CYS1: variants seen among roughly 807,000 people sequenced by gnomAD.
CYS1 encodes the protein cystin 1.
CYS1 carries 5 observed loss-of-function variants against 9.6 expected under a neutral mutation model. The ratio of observed to expected loss-of-function variants is 0.52; its 90% CI spans 0.27 to 1.10. The LOEUF is 1.10. Among genes scored for constraint, CYS1 ranks in the 50% least tolerant of loss-of-function variants. The probability of loss-of-function intolerance (pLI) is 0.11; values close to 1 mark genes in which losing one functional copy is unlikely to be tolerated. For missense variants in CYS1, 221 were observed against 207.9 expected (o/e 1.06, Z -0.39); for synonymous variants, 88 against 95.7 (o/e 0.92, Z 0.47).
chr2:10,072,061 C>G (rs1007286942), intron 1 of CYS1, among the ~76,000 whole-genome samples: 1 of 151,202 alleles, frequency 6.6e-6, no homozygotes, highest in Admixed American at 6.6e-5. Context: ...CTAAAGTTTT[C>G]GTGAAAATTA....
intron 2 of CYS1, among the ~76,000 whole-genome samples, 171 bp from the exon 3 acceptor site, chr2:10,059,129 T>A (rs572624641): frequency 5.9e-5 from 9 of 152,330 alleles, no homozygotes; most frequent in African/African-American, 2.2e-4. Context: ...ACCAGCAGGC[T>A]TCTACTGCGT....
intron 1 of CYS1, among the ~76,000 whole-genome samples, chr2:10,070,852 C>T (rs936973955): frequency 6.6e-6 from 1 of 152,170 alleles, no homozygotes; most frequent in Non-Finnish European, 1.5e-5. Flanking sequence ...CTATGTTGCC[C>T]AGGCTGGTCT....
Position 10,080,394 on chromosome 2 carries a change from G to T in CYS1, c.-171C>A. 4.5e-6 allele frequency: 1 copy of T among 224,042 alleles called. No individual in the cohort carries two copies. Among genetic ancestry groups the T allele is most frequent in the Non-Finnish European group, 7.6e-6 (1 of 131,688 alleles). The allele number at this position is 224,042 out of a possible 1,614,324, so 13.9% of individuals were successfully genotyped here. On this transcript the variant is annotated 5_prime_UTR_variant, in exon 1 of 3. Transcript: ENST00000381813. The surrounding 1 kb of genome is among the most constrained non-coding windows in gnomAD (Gnocchi z 6.4). ...GGTTCCCGGGCGGGGGTCGCGGCCGGAGGACGGGGGTGCGAGCCGGAGCCT... is the reference window on the plus strand; with the variant it reads ...GGTTCCCGGGCGGGGGTCGCGGCCGTAGGACGGGGGTGCGAGCCGGAGCCT...
intron 1 of CYS1, among the ~76,000 whole-genome samples, chr2:10,067,406 C>CTTTTTT (rs34525296): frequency 5.7e-4 from 67 of 118,038 alleles, no homozygotes; most frequent in East Asian, 1.2e-3. Context: ...AAATTCTTTT[C>CTTTTTT]TTTTTTTTTT....
chr2:10,065,818 TG>T, intron 2 of CYS1, 85 bp downstream of exon 2: 2 of 1,341,646 alleles, frequency 1.5e-6, no homozygotes, highest in Non-Finnish European at 1.1e-6. Context: ...TGGAGGAAAG[TG>T]GGGGACAGGA....
In CYS1 at chr2:10,077,212, C is replaced by A. The variant is rs137922787; in HGVS notation, c.318+2694G>T. ...CATCTCACTTGGATGACTGCAGAAG[C>A]TCCCCTCCCCCAGCACAACCCCAGC... On this transcript the variant is annotated intron_variant, in intron 1 of 2. Coordinates refer to ENST00000381813, the MANE Select transcript of CYS1 (RefSeq NM_001037160.3). Among the ~76,000 whole-genome samples the A allele has an allele frequency of 9.4e-3, 1,435 of 152,218 alleles. 9 individuals carry two copies. The highest frequency in any genetic ancestry group is 0.024 in the Middle Eastern group (7 of 294).
intron 1 of CYS1, among the ~76,000 whole-genome samples, chr2:10,068,988 G>A (rs1661730621): frequency 6.6e-6 from 1 of 152,156 alleles, no homozygotes; most frequent in Non-Finnish European, 1.5e-5. Flanking sequence ...CTTGAACCCA[G>A]GAAGCAGAGG....
chr2:10,063,262 A>T lies in CYS1; in HGVS notation c.371+2642T>A, dbSNP rs1661652039. On this transcript the variant is annotated intron_variant, in intron 2 of 2. Coordinates refer to ENST00000381813, the MANE Select transcript of CYS1 (RefSeq NM_001037160.3). This position sits in a 1 kb window ranked among gnomAD's most constrained non-coding sequence, Gnocchi z 4.2. ...AGAAGAGAGGGGACAGGGCAGGACC[A>T]CATCACGTGGACCTACTACAGGAGA... is the stretch of plus-strand genomic sequence containing the variant. Among the ~76,000 whole-genome samples the T allele has an allele frequency of 6.6e-6, 1 of 152,176 alleles. No homozygotes were observed. Among genetic ancestry groups the T allele is most frequent in the African/African-American group, 2.4e-5 (1 of 41,444 alleles).
At chr2:10,073,682 C>G (rs1397121336) in intron 1 of CYS1, among the ~76,000 whole-genome samples, 3 of 152,208 alleles carry the variant, frequency 2.0e-5, no homozygotes, top group South Asian at 2.1e-4. Context: ...TGCTCTGACC[C>G]TCCTTCCCAG....
At chr2:10,066,522 T>C (rs1351441988) in intron 1 of CYS1, among the ~76,000 whole-genome samples, 1 of 152,260 alleles carries the variant, frequency 6.6e-6, no homozygotes, top group Non-Finnish European at 1.5e-5. Flanking sequence ...ACACAGCATG[T>C]GGCTGCCGTG....
chr2:10,056,854 C>G lies in CYS1; in HGVS notation c.*1999G>C, dbSNP rs986172210. On this transcript the variant is annotated 3_prime_UTR_variant, in exon 3 of 3. Coordinates refer to ENST00000381813, the MANE Select transcript of CYS1 (RefSeq NM_001037160.3). ...CACCTACAGCTGCAGTACACACACA[C>G]CGCTTTATTTGGCTAGCTGCTATTC... 6.6e-6 allele frequency: 1 copy of G among 152,266 alleles called. No homozygotes were observed. The highest frequency in any genetic ancestry group is 1.5e-5 in the Non-Finnish European group (1 of 68,048). The allele number at this position is 152,266 out of a possible 1,614,324, so 9.4% of individuals were successfully genotyped here.
intron 1 of CYS1, among the ~76,000 whole-genome samples, chr2:10,067,047 C>T (rs1053818220): frequency 2.6e-5 from 4 of 152,106 alleles, no homozygotes; most frequent in African/African-American, 9.7e-5. Flanking sequence ...CAGAGTTTTG[C>T]TCTTGTTGCC....
intron 2 of CYS1, among the ~76,000 whole-genome samples, chr2:10,062,885 A>G (rs1381843983): frequency 1.3e-5 from 2 of 152,240 alleles, no homozygotes; most frequent in African/African-American, 4.8e-5. Flanking sequence ...ACAGTAAGTG[A>G]ATTTCAGCAG....
chr2:10,076,047 G>A lies in CYS1; in HGVS notation c.318+3859C>T, dbSNP rs1397238786. Among the ~76,000 whole-genome samples the A allele has an allele frequency of 6.6e-6, 1 of 152,124 alleles. No homozygotes were observed. The highest frequency in any genetic ancestry group is 6.5e-5 in the Admixed American group (1 of 15,274). ...ACTAAAAATACAAAAAAATTAGCCA[G>A]GCGTGGTGGCATGCTCCTATAGTCC... is the stretch of plus-strand genomic sequence containing the variant. On this transcript the variant is annotated intron_variant, in intron 1 of 2. Transcript: ENST00000381813. The surrounding 1 kb of genome is among the most constrained non-coding windows in gnomAD (Gnocchi z 4.3).
rs144894432 is a variant in CYS1, at chr2:10,059,382, G to C, written c.372-424C>G. 4.7e-4 allele frequency among the ~76,000 whole-genome samples: 72 copies of C among 152,338 alleles called. No individual in the cohort carries two copies. In the East Asian group the frequency reaches 0.014, roughly 29 times the overall value. On this transcript the variant is annotated intron_variant, in intron 2 of 2. Coordinates refer to ENST00000381813, the MANE Select transcript of CYS1 (RefSeq NM_001037160.3). ...CATGGGCAGCATGTGATGTGGAATC[G>C]AGCACACCACAGCCTTAATCAATGG...
chr2:10,059,887 C>T (rs943766449), intron 2 of CYS1, among the ~76,000 whole-genome samples: 1 of 152,258 alleles, frequency 6.6e-6, no homozygotes, highest in Non-Finnish European at 1.5e-5. Context: ...CCTGCTCCTG[C>T]TGCCTGGGTT....
At chr2:10,065,114 C>T (rs1011951132) in intron 2 of CYS1, among the ~76,000 whole-genome samples, 1 of 152,294 alleles carries the variant, frequency 6.6e-6, no homozygotes, top group Non-Finnish European at 1.5e-5. Flanking sequence ...AGACCATGCC[C>T]CTCCCGGGCT....
intron 1 of CYS1, among the ~76,000 whole-genome samples, chr2:10,072,871 G>C (rs1661789431): frequency 6.6e-6 from 1 of 152,062 alleles, no homozygotes; most frequent in South Asian, 2.1e-4. Flanking sequence ...CGGTGGGGGA[G>C]CGGTGCAGGC....
At chr2:10,075,263 C>T (rs769016157) in intron 1 of CYS1, among the ~76,000 whole-genome samples, 1 of 152,374 alleles carries the variant, frequency 6.6e-6, no homozygotes, top group Non-Finnish European at 1.5e-5. Context: ...AGACTTCTGC[C>T]TCGGGTGGGA....
Sources: gnomAD v4.1 joint callset for allele counts (sites outside exome capture counted in the v4.1 genomes callset) on GRCh38, gnomAD v4.1.1 for gene constraint, Gnocchi (gnomAD v3.1) non-coding constraint, MANE v1.5 for transcripts, NCBI Gene and HGNC (gene_info 2026-07-23, HGNC 2026-07-21) for gene names.